The following CNGB3 variants were observed in gnomAD, a reference collection of about 807,000 sequenced individuals.
The protein encoded by CNGB3 is cyclic nucleotide gated channel subunit beta 3, also known as cyclic nucleotide-gated channel beta-3.
A neutral mutation model predicts 92.8 loss-of-function variants in CNGB3; 86 were observed. The ratio of observed to expected loss-of-function variants is 0.93; its 90% confidence interval spans 0.78 to 1.11. The LOEUF (loss-of-function observed/expected upper bound fraction) is 1.11, where lower values mean the gene tolerates loss of function less well. CNGB3 is among the 50% of genes least tolerant of loss of function. The pLI is 0.00. For synonymous variants in CNGB3, 333 were observed against 332.7 expected (o/e 1.00, Z -0.01); for missense variants, 1,026 against 956.8 (o/e 1.07, Z -0.95).
intron 10 of CNGB3, among the ~76,000 whole-genome samples, chr8:86,635,777 G>GTATC (rs1369394682): frequency 6.1e-5 from 8 of 131,452 alleles, no homozygotes; most frequent in African/African-American, 8.6e-5. Context: ...AACACATGAA[G>GTATC]TATCTAATTA....
At chr8:86,708,602 C>T (rs1384725748) in intron 3 of CNGB3, among the ~76,000 whole-genome samples, 7 of 120,756 alleles carry the variant, frequency 5.8e-5, no homozygotes, top group Non-Finnish European at 1.1e-4. Context: ...GGGTCTCACT[C>T]TGTCACTCAG....
At chr8:86,587,744 T>C (rs1209157886) in intron 15 of CNGB3, among the ~76,000 whole-genome samples, 1 of 149,758 alleles carries the variant, frequency 6.7e-6, no homozygotes, top group African/African-American at 2.4e-5. Context: ...ACTGTAGCCT[T>C]GTAGTATAGT....
At chr8:86,731,397 T>C (rs1267427004) in intron 2 of CNGB3, among the ~76,000 whole-genome samples, 1 of 152,190 alleles carries the variant, frequency 6.6e-6, no homozygotes, top group Non-Finnish European at 1.5e-5. Context: ...AAGGGATCTT[T>C]GTATTTAGGA....
chr8:86,639,563 C>CT (rs1157080227), intron 10 of CNGB3, among the ~76,000 whole-genome samples: 2 of 151,950 alleles, frequency 1.3e-5, no homozygotes, highest in African/African-American at 4.8e-5. Context: ...ATCCAAAGGC[C>CT]TAATGAGCAA....
chr8:86,657,964 G>A, intron 6 of CNGB3: 1 of 554,738 alleles, frequency 1.8e-6, no homozygotes, highest in Non-Finnish European at 3.6e-6. Context: ...GATGACGTCT[G>A]TCTCTCCAGA....
intron 6 of CNGB3, chr8:86,658,271 TA>T: frequency 5.7e-6 from 3 of 523,744 alleles, no homozygotes; most frequent in African/African-American, 1.9e-5. Flanking sequence ...CAGCTGAGTT[TA>T]AAAATGCCAC....
chr8:86,665,142 A>G (rs1179075109), intron 6 of CNGB3, among the ~76,000 whole-genome samples: 1 of 152,200 alleles, frequency 6.6e-6, no homozygotes, highest in African/African-American at 2.4e-5. Flanking sequence ...TGACCATATA[A>G]TAGCCAAAAA....
chr8:86,633,481 G>GCTAGTCCATAGACATTC (rs1286312465), intron 10 of CNGB3, among the ~76,000 whole-genome samples: 1 of 152,170 alleles, frequency 6.6e-6, no homozygotes, highest in Non-Finnish European at 1.5e-5. Flanking sequence ...CTTCCTCATA[G>GCTAGTCCATAGACATTC]CATGGATGTC....
In CNGB3 at chr8:86,575,861, A is replaced by C; in HGVS notation, c.2373T>G (p.Ser791=). 2 of 1,613,344 alleles carry C rather than the reference A, an allele frequency of 1.2e-6. No individual in the cohort carries two copies. Among genetic ancestry groups the C allele is most frequent in the Non-Finnish European group, 1.7e-6 (2 of 1,179,832 alleles). The change falls in exon 18 of 18, where the codon TCT becomes TCG. Residue 791 remains serine (S), a synonymous_variant. Transcript: ENST00000320005. ...RQSLIISMAP[S]AEGGEEVLTI... ...TAAGAACCTCTTCTCCGCCCTCAGCAGAAGGAGCCATGCTGATAATGAGTG... is the reference window on the plus strand; with the variant it reads ...TAAGAACCTCTTCTCCGCCCTCAGCCGAAGGAGCCATGCTGATAATGAGTG...
chr8:86,624,410 C>A (rs1490179610), intron 13 of CNGB3, among the ~76,000 whole-genome samples: 1 of 152,188 alleles, frequency 6.6e-6, no homozygotes, highest in African/African-American at 2.4e-5. Flanking sequence ...CAGAGCAAGA[C>A]TCTGTCTCTA....
intron 8 of CNGB3, among the ~76,000 whole-genome samples, chr8:86,644,957 A>G (rs185510190): frequency 8.3e-4 from 125 of 151,294 alleles, no homozygotes; most frequent in Admixed American, 2.4e-3. Context: ...AACTTAAAAA[A>G]CATTGTTTTC....
chr8:86,699,802 A>G (rs562738374), intron 3 of CNGB3, among the ~76,000 whole-genome samples: 11 of 152,278 alleles, frequency 7.2e-5, no homozygotes, highest in African/African-American at 1.2e-4. Context: ...ATAATTTCCA[A>G]TATCTGCAGG....
intron 3 of CNGB3, among the ~76,000 whole-genome samples, chr8:86,689,952 C>T (rs1824275083): frequency 6.6e-6 from 1 of 152,150 alleles, no homozygotes; most frequent in Non-Finnish European, 1.5e-5. Context: ...TTTCTTAATC[C>T]AGTCTATCAT....
chr8:86,720,534 C>T (rs1171747279), intron 3 of CNGB3, among the ~76,000 whole-genome samples: 1 of 152,010 alleles, frequency 6.6e-6, no homozygotes, highest in African/African-American at 2.4e-5. Flanking sequence ...AAAAGGAACA[C>T]TTACACTGTT....
At chr8:86,726,460 G>T in intron 3 of CNGB3, 71 bp downstream of exon 3, 1 of 1,592,298 alleles carries the variant, frequency 6.3e-7, no homozygotes. Flanking sequence ...GGGGAGAGTG[G>T]ATATTTGAGC....
chr8:86,619,152 T>A (rs1026088611), intron 13 of CNGB3, among the ~76,000 whole-genome samples: 1 of 152,242 alleles, frequency 6.6e-6, no homozygotes, highest in Admixed American at 6.5e-5. Flanking sequence ...CTGGGGGCTG[T>A]TTCTAAAGGA....
chr8:86,735,947 CT>C lies in CNGB3; in HGVS notation c.211+3707del, dbSNP rs1447053580. On this transcript the variant is annotated intron_variant, in intron 2 of 17. Coordinates refer to ENST00000320005, the MANE Select transcript of CNGB3 (RefSeq NM_019098.5). ...GTATCGTAAACCACTAGGTAAATTA[CT>C]TACATATCCTCTACTGGTACCAAGA... Among the ~76,000 whole-genome samples, 5 of 152,118 alleles carry C rather than the reference CT, an allele frequency of 3.3e-5. No individual in the cohort carries two copies. In the East Asian group the frequency reaches 9.7e-4, roughly 29 times the overall value.
At chr8:86,590,354 T>C in intron 15 of CNGB3, among the ~76,000 whole-genome samples, 1 of 152,108 alleles carries the variant, frequency 6.6e-6, no homozygotes, top group African/African-American at 2.4e-5. Context: ...AAGTTAATAG[T>C]GTTATGTGTG....
intron 2 of CNGB3, among the ~76,000 whole-genome samples, chr8:86,735,390 A>G (rs913079486): frequency 6.6e-6 from 1 of 151,944 alleles, no homozygotes; most frequent in Admixed American, 6.6e-5. Context: ...TCAAGTTGGA[A>G]TTCTCTTAAA....
Sources: allele counts gnomAD v4.1 joint callset (sites outside exome capture counted in the v4.1 genomes callset), GRCh38; gene constraint gnomAD v4.1.1; transcripts MANE v1.5; gene names NCBI Gene and HGNC (gene_info 2026-07-23, HGNC 2026-07-21).